TMEM178B: variants seen among roughly 807,000 people sequenced by gnomAD.
TMEM178B encodes the protein transmembrane protein 178B.
TMEM178B carries 5 observed loss-of-function variants against 31.0 expected under a neutral mutation model. The ratio of observed to expected loss-of-function variants is 0.16; its 90% confidence interval spans 0.08 to 0.34. The LOEUF is 0.34. Ranked by LOEUF, TMEM178B falls within the 10% of genes least tolerant of loss-of-function variation. TMEM178B has a pLI of 1.00. For missense variants in TMEM178B, 275 were observed against 400.3 expected, an observed-to-expected ratio of 0.69 and a Z score of 2.67; for synonymous variants, 164 against 164.0, an observed-to-expected ratio of 1.00 and a Z score of 0.00.
At chr7:141,419,438 T>C (rs1000376809) in intron 2 of TMEM178B, among the ~76,000 whole-genome samples, 6 of 152,176 alleles carry the variant, frequency 3.9e-5, no homozygotes, top group African/African-American at 2.4e-5. Flanking sequence ...CTGACTGCTT[T>C]ACTATCCCCT....
chr7:141,137,106 G>A (rs1352000576), intron 1 of TMEM178B, among the ~76,000 whole-genome samples: 2 of 152,180 alleles, frequency 1.3e-5, no homozygotes, highest in African/African-American at 2.4e-5. Context: ...CTTATATGCT[G>A]TTGGTGAGAA....
intron 2 of TMEM178B, among the ~76,000 whole-genome samples, chr7:141,260,256 T>C (rs1452490664): frequency 1.3e-5 from 2 of 152,230 alleles, no homozygotes; most frequent in Admixed American, 6.5e-5. Context: ...CTGATGATTT[T>C]CTTATCTTGT....
intron 2 of TMEM178B, among the ~76,000 whole-genome samples, chr7:141,245,223 G>A (rs1797709189): frequency 7.0e-6 from 1 of 143,464 alleles, no homozygotes; most frequent in African/African-American, 2.6e-5. Flanking sequence ...AGGATGCACA[G>A]GGGAGGTAGG....
chr7:141,194,866 C>A (rs1796756485), intron 1 of TMEM178B, among the ~76,000 whole-genome samples: 1 of 152,240 alleles, frequency 6.6e-6, no homozygotes, highest in African/African-American at 2.4e-5. Context: ...GGTTCCCCAA[C>A]CTCAATTCTT....
At chr7:141,320,612 A>G (rs199818641) in intron 2 of TMEM178B, among the ~76,000 whole-genome samples, 1 of 152,116 alleles carries the variant, frequency 6.6e-6, no homozygotes, top group Non-Finnish European at 1.5e-5. Context: ...ATCCTGAGCT[A>G]ATTCTGGAGC....
chr7:141,413,335 A>C (rs751190421), intron 2 of TMEM178B, among the ~76,000 whole-genome samples: 1 of 152,182 alleles, frequency 6.6e-6, no homozygotes, highest in African/African-American at 2.4e-5. Flanking sequence ...AGTCACATTG[A>C]TACTTCTTTT....
chr7:141,304,415 C>T (rs1798779006), intron 2 of TMEM178B, among the ~76,000 whole-genome samples: 1 of 152,072 alleles, frequency 6.6e-6, no homozygotes, highest in Non-Finnish European at 1.5e-5. Context: ...GCACTGCCTG[C>T]CACCCCACCC....
At chr7:141,340,416 G>A (rs1223846851) in intron 2 of TMEM178B, among the ~76,000 whole-genome samples, 2 of 152,204 alleles carry the variant, frequency 1.3e-5, no homozygotes, top group Non-Finnish European at 2.9e-5. Flanking sequence ...TCAGTTTGCT[G>A]TAGAAATTTA....
At chr7:141,176,432 GTC>G (rs1796435854) in intron 1 of TMEM178B, among the ~76,000 whole-genome samples, 1 of 152,106 alleles carries the variant, frequency 6.6e-6, no homozygotes, top group Non-Finnish European at 1.5e-5. Flanking sequence ...TTTTTGTTGT[GTC>G]TCTGTCAGGT....
intron 1 of TMEM178B, among the ~76,000 whole-genome samples, chr7:141,167,484 T>A (rs1440648676): frequency 6.6e-6 from 1 of 152,270 alleles, no homozygotes; most frequent in African/African-American, 2.4e-5. Flanking sequence ...CATCAGGTTC[T>A]ATTAGGAATG....
intron 1 of TMEM178B, among the ~76,000 whole-genome samples, chr7:141,105,069 C>G (rs1290963591): frequency 1.3e-5 from 2 of 152,164 alleles, no homozygotes; most frequent in African/African-American, 4.8e-5. Flanking sequence ...GGTGGCCTTT[C>G]ATCCCAAAGT....
In TMEM178B at chr7:141,418,647, T is replaced by C. The variant is rs1448937943; in HGVS notation, c.497-18961T>C. On this transcript the variant is annotated intron_variant, in intron 2 of 3. Transcript: ENST00000565468. ...TCTCTTCTTCTTCTTATCCCTTAAATGTCGGTATTCAAATTCTATTCTTAC... is the reference window on the plus strand; with the variant it reads ...TCTCTTCTTCTTCTTATCCCTTAAACGTCGGTATTCAAATTCTATTCTTAC... Among the ~76,000 whole-genome samples the C allele has an allele frequency of 2.0e-5, 3 of 152,212 alleles. No individual in the cohort carries two copies. In the East Asian group the frequency reaches 5.8e-4, roughly 29 times the overall value.
At chr7:141,352,601 C>G (rs911915973) in intron 2 of TMEM178B, 25 of 152,314 alleles carry the variant, frequency 1.6e-4, no homozygotes, top group African/African-American at 6.0e-4. Flanking sequence ...AGGCTGGTCT[C>G]AAACTCCTGA....
chr7:141,326,188 A>G (rs1799186750), intron 2 of TMEM178B, among the ~76,000 whole-genome samples: 1 of 152,220 alleles, frequency 6.6e-6, no homozygotes, highest in Non-Finnish European at 1.5e-5. Flanking sequence ...CATGTTAACA[A>G]TGGTTAAAAA....
chr7:141,389,450 A>G (rs548319185), intron 2 of TMEM178B, among the ~76,000 whole-genome samples: 1 of 152,234 alleles, frequency 6.6e-6, no homozygotes, highest in African/African-American at 2.4e-5. Flanking sequence ...AGGAAGAAAG[A>G]AGGTACATCT....
At chr7:141,389,948 C>T (rs888166939) in intron 2 of TMEM178B, among the ~76,000 whole-genome samples, 4 of 152,060 alleles carry the variant, frequency 2.6e-5, no homozygotes, top group East Asian at 1.9e-4. Flanking sequence ...CTTTGGAAAC[C>T]GAGCAGTCTC....
the TMEM178B span, among the ~76,000 whole-genome samples, chr7:141,486,658 G>GA: frequency 3.6e-4 from 55 of 152,078 alleles, no homozygotes; most frequent in Non-Finnish European, 2.2e-4. Context: ...TAAGCTACAA[G>GA]AAAAAATTGC....
At chr7:141,341,841 T>C (rs1175038662) in intron 2 of TMEM178B, among the ~76,000 whole-genome samples, 1 of 152,222 alleles carries the variant, frequency 6.6e-6, no homozygotes, top group Non-Finnish European at 1.5e-5. Context: ...TACCTTGACC[T>C]GGGACACTTC....
At chr7:141,133,343 A>G (rs888351039) in intron 1 of TMEM178B, among the ~76,000 whole-genome samples, 9 of 152,178 alleles carry the variant, frequency 5.9e-5, no homozygotes, top group Admixed American at 2.6e-4. Flanking sequence ...AGAAATGGGG[A>G]AAACAATTCA....
Sources: gnomAD v4.1 joint callset for allele counts (sites outside exome capture counted in the v4.1 genomes callset) on GRCh38, gnomAD v4.1.1 for gene constraint, MANE v1.5 for transcripts, NCBI Gene and HGNC (gene_info 2026-07-23, HGNC 2026-07-21) for gene names.